Variants in SPPL3 observed in about 807,000 individuals in gnomAD.
SPPL3 encodes the protein signal peptide peptidase-like 3.
SPPL3 carries 5 observed loss-of-function variants against 42.4 expected under a neutral mutation model. The ratio of observed to expected loss-of-function variants is 0.12; its 90% CI spans 0.06 to 0.25. The LOEUF is 0.25. SPPL3 is among the 10% of genes least tolerant of loss of function. SPPL3 has a pLI of 1.00. For synonymous variants in SPPL3, 195 were observed against 181.8 expected, an observed-to-expected ratio of 1.07 and a Z score of -0.58; for missense variants, 235 against 489.0, an observed-to-expected ratio of 0.48 and a Z score of 4.90.
chr12:120,792,053 C>T, intron 2 of SPPL3: 1 of 153,588 alleles, frequency 6.5e-6, no homozygotes, highest in Non-Finnish European at 1.4e-5. Context: ...CAATAAATAG[C>T]AAACACAAGA....
intron 1 of SPPL3, among the ~76,000 whole-genome samples, chr12:120,821,434 GA>G (rs1566051543): frequency 6.6e-6 from 1 of 152,220 alleles, no homozygotes; most frequent in African/African-American, 2.4e-5. Context: ...TAAGGCAAGG[GA>G]AAGAAATTAG....
intron 1 of SPPL3, among the ~76,000 whole-genome samples, chr12:120,882,583 G>T (rs1275794420): frequency 6.6e-6 from 1 of 152,098 alleles, no homozygotes. Flanking sequence ...ATAAAAACTA[G>T]AGAGATTGAA....
chr12:120,870,898 C>T (rs1006318735), intron 1 of SPPL3, among the ~76,000 whole-genome samples: 7 of 151,670 alleles, frequency 4.6e-5, no homozygotes, highest in South Asian at 4.2e-4. Flanking sequence ...GAGGCGGAGG[C>T]GGGCAGATTG....
At chr12:120,819,592 T>C (rs568764650) in intron 1 of SPPL3, among the ~76,000 whole-genome samples, 4 of 152,270 alleles carry the variant, frequency 2.6e-5, no homozygotes, top group South Asian at 2.1e-4. Context: ...CAAGTAAAAA[T>C]GGTATTCCAA....
intron 1 of SPPL3, among the ~76,000 whole-genome samples, chr12:120,863,743 G>A (rs1251781757): frequency 1.3e-5 from 2 of 151,260 alleles, no homozygotes; most frequent in African/African-American, 2.4e-5. Context: ...CTGGGCTGAA[G>A]CTATCCTCCT....
intron 1 of SPPL3, among the ~76,000 whole-genome samples, chr12:120,899,110 G>A (rs1873894818): frequency 6.6e-6 from 1 of 152,154 alleles, no homozygotes; most frequent in Non-Finnish European, 1.5e-5. Flanking sequence ...GTTTTCACAT[G>A]CATTCTTTTA....
intron 3 of SPPL3, among the ~76,000 whole-genome samples, chr12:120,789,887 G>A (rs146326058): frequency 6.2e-4 from 92 of 148,244 alleles, no homozygotes; most frequent in African/African-American, 1.9e-3. Context: ...TCCACTGTAC[G>A]GACTGGCACA....
chr12:120,844,868 TAA>T (rs775732238), intron 1 of SPPL3, among the ~76,000 whole-genome samples: 2 of 140,952 alleles, frequency 1.4e-5, no homozygotes. Flanking sequence ...TTTTTACAAT[TAA>T]AAAAAAAAAA....
chr12:120,871,049 G>A (rs1050464334), intron 1 of SPPL3, among the ~76,000 whole-genome samples: 2 of 148,274 alleles, frequency 1.3e-5, no homozygotes, highest in African/African-American at 5.0e-5. Flanking sequence ...AGAATCGCTT[G>A]AACCCAGGAG....
chr12:120,789,922 T>G (rs567913113), intron 3 of SPPL3, among the ~76,000 whole-genome samples: 6 of 152,082 alleles, frequency 3.9e-5, no homozygotes, highest in Admixed American at 3.3e-4. Context: ...TTGTTTGTTT[T>G]TGAGGTAAAC....
At chr12:120,895,897 T>C (rs1187516761) in intron 1 of SPPL3, among the ~76,000 whole-genome samples, 1 of 152,208 alleles carries the variant, frequency 6.6e-6, no homozygotes. Context: ...CGTAACAGAA[T>C]GAGGTGCTCA....
At chr12:120,889,600 T>A (rs1873568478) in intron 1 of SPPL3, among the ~76,000 whole-genome samples, 1 of 152,252 alleles carries the variant, frequency 6.6e-6, no homozygotes, top group South Asian at 2.1e-4. Flanking sequence ...CGGAGTCATC[T>A]CAATCAACTT....
intron 2 of SPPL3, among the ~76,000 whole-genome samples, chr12:120,797,687 T>G (rs879214521): frequency 1.3e-5 from 2 of 152,142 alleles, no homozygotes; most frequent in Admixed American, 1.3e-4. Flanking sequence ...TACCAAAACA[T>G]TGATGAATTG....
At chr12:120,856,745 T>C (rs1415279271) in intron 1 of SPPL3, among the ~76,000 whole-genome samples, 1 of 151,678 alleles carries the variant, frequency 6.6e-6, no homozygotes, top group Non-Finnish European at 1.5e-5. Context: ...GACAAGCAGA[T>C]GGGGACAAAC....
intron 1 of SPPL3, among the ~76,000 whole-genome samples, chr12:120,874,523 A>G (rs1348874750): frequency 6.6e-6 from 1 of 152,158 alleles, no homozygotes; most frequent in African/African-American, 2.4e-5. Context: ...AACAAAAATA[A>G]TAATGTATTG....
intron 1 of SPPL3, among the ~76,000 whole-genome samples, chr12:120,889,041 T>C (rs529371661): frequency 1.3e-5 from 2 of 152,212 alleles, no homozygotes; most frequent in African/African-American, 4.8e-5. Flanking sequence ...CTTGAACCCC[T>C]GACCTCGGGT....
rs111372784 is a variant in SPPL3, at chr12:120,831,176, C to T, written c.24-20290G>A. 1.8e-4 allele frequency among the ~76,000 whole-genome samples: 28 copies of T among 152,256 alleles called. 1 individual carries two copies. Among genetic ancestry groups the T allele is most frequent in the African/African-American group, 6.3e-4 (26 of 41,554 alleles). ...AGACTCAGATCAGGAGTTACACCAT[C>T]GGCTCTCCTGGCTCTCAGGCCTTTG... On this transcript the variant is annotated intron_variant, in intron 1 of 10. Transcript: ENST00000353487.
chr12:120,882,581 T>C (rs961849088), intron 1 of SPPL3, among the ~76,000 whole-genome samples: 1 of 152,080 alleles, frequency 6.6e-6, no homozygotes, highest in Non-Finnish European at 1.5e-5. Flanking sequence ...TAATAAAAAC[T>C]AGAGAGATTG....
Position 120,773,461 on chromosome 12 carries a change from C to T in SPPL3, c.503-4402G>A, listed in dbSNP as rs190896851. ...TAACAGAAGGCCTAGGATGGACAGA[C>T]GGGAGACAGGAGTCTGCGGGGAGTG... On this transcript the variant is annotated intron_variant, in intron 6 of 10. Transcript: ENST00000353487. Among the ~76,000 whole-genome samples the T allele has an allele frequency of 1.3e-4, 20 of 152,244 alleles. 1 individual carries two copies. The highest frequency in any genetic ancestry group is 8.5e-4 in the Admixed American group (13 of 15,296).
Sources: allele counts gnomAD v4.1 joint callset (sites outside exome capture counted in the v4.1 genomes callset), GRCh38; gene constraint gnomAD v4.1.1; transcripts MANE v1.5; gene names NCBI Gene and HGNC (gene_info 2026-07-23, HGNC 2026-07-21).